MSTO1: variants seen among roughly 807,000 people sequenced by gnomAD.
MSTO1 encodes misato mitochondrial distribution and morphology regulator 1, also known as protein misato homolog 1.
Under a neutral mutation model 55.7 loss-of-function variants are expected in MSTO1, and 24 were observed. The ratio of observed to expected loss-of-function variants is 0.43; its 90% CI spans 0.31 to 0.61. The LOEUF is 0.61. MSTO1 is among the 20% of genes least tolerant of loss of function. MSTO1 has a pLI of 0.09. For missense variants in MSTO1, 363 were observed against 625.7 expected, an observed-to-expected ratio of 0.58 and a Z score of 4.48; for synonymous variants, 162 against 252.8, an observed-to-expected ratio of 0.64 and a Z score of 3.41.
chr1:155,612,403 C>CTCTT lies in MSTO1; in HGVS notation c.814-10_814-7dup, dbSNP rs1491536451. 15 of 1,606,152 alleles carry CTCTT rather than the reference C, an allele frequency of 9.3e-6. No individual in the cohort carries two copies. The highest frequency in any genetic ancestry group is 1.7e-5 in the Admixed American group (1 of 58,970). On this transcript the variant is annotated splice_polypyrimidine_tract_variant and intron_variant, in intron 8 of 13. Coordinates refer to ENST00000245564, the MANE Select transcript of MSTO1 (RefSeq NM_018116.4). The stretch of plus-strand genomic sequence containing the variant: ...TGGGAGAGCTGCTTAATACAAACTA[C>CTCTT]TCTTTCTTCACCAGGAGGCCCAGAG...
chr1:155,602,408 A>C, the MSTO1 span, among the ~76,000 whole-genome samples: 1 of 152,176 alleles, frequency 6.6e-6, no homozygotes, highest in South Asian at 2.1e-4. Context: ...CCCAGGAGGC[A>C]GAGGTTGCGG....
chr1:155,591,117 G>A, the MSTO1 span: 3 of 1,613,510 alleles, frequency 1.9e-6, no homozygotes, highest in East Asian at 4.5e-5. Flanking sequence ...ACATCCACAG[G>A]CCCTCCCACA....
the MSTO1 span, chr1:155,590,748 G>A: frequency 2.5e-6 from 4 of 1,599,856 alleles, no homozygotes; most frequent in Non-Finnish European, 3.4e-6. Flanking sequence ...GCAACAAAAG[G>A]CCTGAGGCCG....
At chr1:155,566,526 C>A in the MSTO1 span, among the ~76,000 whole-genome samples, 1 of 152,036 alleles carries the variant, frequency 6.6e-6, no homozygotes, top group Non-Finnish European at 1.5e-5. Context: ...TTTGAGGCTA[C>A]CGTGAGCCAT....
chr1:155,563,394 A>C, the MSTO1 span: 1 of 456,528 alleles, frequency 2.2e-6, no homozygotes, highest in Admixed American at 2.3e-5. Flanking sequence ...CCGGACCTCC[A>C]GGAGGTAGGG....
At chr1:155,590,289 C>T in the MSTO1 span, among the ~76,000 whole-genome samples, 1 of 151,938 alleles carries the variant, frequency 6.6e-6, no homozygotes, top group Non-Finnish European at 1.5e-5. Context: ...TGTCTTGTTG[C>T]AAAGGCCAGC....
the MSTO1 span, among the ~76,000 whole-genome samples, chr1:155,578,336 CTTTT>C: frequency 1.1e-3 from 50 of 44,292 alleles, no homozygotes; most frequent in East Asian, 4.6e-3. Context: ...AACTACCTTT[CTTTT>C]TTTTTTTTTT....
the MSTO1 span, chr1:155,591,054 C>A: frequency 4.3e-6 from 7 of 1,613,814 alleles, no homozygotes; most frequent in South Asian, 7.7e-5. Context: ...GCAGCGCCAG[C>A]AGTGAGTCGT....
chr1:155,584,787 CT>C, the MSTO1 span, among the ~76,000 whole-genome samples: 1 of 151,522 alleles, frequency 6.6e-6, no homozygotes, highest in Non-Finnish European at 1.5e-5. Flanking sequence ...ATCACCCAGG[CT>C]GGAGTGCAGT....
chr1:155,583,178 CCTT>C, the MSTO1 span, among the ~76,000 whole-genome samples: 1 of 151,954 alleles, frequency 6.6e-6, no homozygotes, highest in Non-Finnish European at 1.5e-5. Flanking sequence ...TGGTCCTTCC[CCTT>C]CTTCTTAAAG....
the MSTO1 span, among the ~76,000 whole-genome samples, chr1:155,574,870 C>CTTTTTTTTTTTTTTTTTTTTTTTTT: frequency 7.9e-6 from 1 of 126,244 alleles, no homozygotes; most frequent in Non-Finnish European, 1.7e-5. Flanking sequence ...AGAACTTTTT[C>CTTTTTTTTTTTTTTTTTTTTTTTTT]TTTTTTTTTT....
chr1:155,613,988 T>G, intron 13 of MSTO1, 71 bp from the exon 14 acceptor site: 5 of 1,604,250 alleles, frequency 3.1e-6, no homozygotes, highest in Admixed American at 1.7e-5. Context: ...TGGACTTCCT[T>G]ATCAGTTTGG....
chr1:155,614,759 G>C lies in MSTO1; in HGVS notation c.*486G>C, dbSNP rs901893296. 1.8e-5 allele frequency: 28 copies of C among 1,562,870 alleles called. No individual in the cohort carries two copies. The highest frequency in any genetic ancestry group is 2.4e-5 in the Non-Finnish European group (27 of 1,136,482). On this transcript the variant is annotated 3_prime_UTR_variant, in exon 14 of 14. Coordinates refer to ENST00000245564, the MANE Select transcript of MSTO1 (RefSeq NM_018116.4). ...TCCTCTTCAGACAGAAGGTCCCCAT[G>C]GTCAGACAGCTGGTCTGCATTGCTG... is the stretch of plus-strand genomic sequence containing the variant.
chr1:155,578,264 A>G, the MSTO1 span, among the ~76,000 whole-genome samples: 1 of 147,290 alleles, frequency 6.8e-6, no homozygotes, highest in African/African-American at 2.5e-5. Flanking sequence ...CTTGTACTGC[A>G]TGATAATTGC....
At chr1:155,592,034 TAA>T in the MSTO1 span, among the ~76,000 whole-genome samples, 2 of 152,192 alleles carry the variant, frequency 1.3e-5, no homozygotes, top group African/African-American at 4.8e-5. Flanking sequence ...CTCTGCTTTG[TAA>T]AGAGGCATGG....
At chr1:155,603,832 T>C in the MSTO1 span, among the ~76,000 whole-genome samples, 1 of 152,268 alleles carries the variant, frequency 6.6e-6, no homozygotes, top group Non-Finnish European at 1.5e-5. Context: ...TACTCCAGTC[T>C]GGGTGACAGA....
chr1:155,593,231 G>A, the MSTO1 span, among the ~76,000 whole-genome samples: 1 of 152,002 alleles, frequency 6.6e-6, no homozygotes, highest in Admixed American at 6.6e-5. Flanking sequence ...CTTAGTGGAT[G>A]CTTTACATAC....
At chr1:155,589,381 GT>G in the MSTO1 span, among the ~76,000 whole-genome samples, 26 of 146,622 alleles carry the variant, frequency 1.8e-4, no homozygotes, top group East Asian at 3.9e-4. Flanking sequence ...AAGTTTTGGT[GT>G]TTTTTTTTTT....
the MSTO1 span, among the ~76,000 whole-genome samples, chr1:155,581,006 G>A: frequency 3.3e-5 from 5 of 151,774 alleles, no homozygotes; most frequent in East Asian, 9.6e-4. Flanking sequence ...ACACAATAGT[G>A]TGTAAGAATC....
Sources: gnomAD v4.1 joint callset for allele counts (sites outside exome capture counted in the v4.1 genomes callset) on GRCh38, gnomAD v4.1.1 for gene constraint, MANE v1.5 for transcripts, NCBI Gene and HGNC (gene_info 2026-07-23, HGNC 2026-07-21) for gene names.